The following PYROXD2 variants were observed in gnomAD, a reference collection of about 807,000 sequenced individuals.
PYROXD2 encodes the protein pyridine nucleotide-disulfide oxidoreductase domain-containing protein 2.
Under a neutral mutation model 71.1 loss-of-function variants are expected in PYROXD2, and 69 were observed. That is an observed-to-expected ratio of 0.97 (90% confidence interval 0.80 to 1.19). The LOEUF (loss-of-function observed/expected upper bound fraction) is 1.19. PYROXD2 is among the 50% of genes most tolerant of loss of function. The pLI, the probability that PYROXD2 is intolerant of heterozygous loss-of-function variation, is 0.00. For synonymous variants in PYROXD2, 287 were observed against 302.7 expected, an observed-to-expected ratio of 0.95 and a Z score of 0.54; for missense variants, 745 against 748.9, an observed-to-expected ratio of 0.99 and a Z score of 0.06.
intron 4 of PYROXD2, among the ~76,000 whole-genome samples, chr10:98,406,925 GT>G (rs1409469264): frequency 6.6e-6 from 1 of 150,570 alleles, no homozygotes; most frequent in Non-Finnish European, 1.5e-5. Context: ...TGGCACCAAC[GT>G]GAGTGGCAGC....
chr10:98,397,830 G>A (rs905448232), intron 5 of PYROXD2, among the ~76,000 whole-genome samples: 2 of 151,440 alleles, frequency 1.3e-5, no homozygotes, highest in Non-Finnish European at 2.9e-5. Context: ...TGGTCTCTGC[G>A]ATAAATCATG....
Position 98,384,099 on chromosome 10 carries a change from A to C in PYROXD2, c.1676-231T>G, listed in dbSNP as rs530496964. Among the ~76,000 whole-genome samples, 5 of 151,364 alleles carry C rather than the reference A, an allele frequency of 3.3e-5. No individual in the cohort carries two copies. The South Asian group carries it at 6.3e-4, about 19-fold the overall frequency. On this transcript the variant is annotated intron_variant, in intron 15 of 15. Coordinates refer to ENST00000370575, the MANE Select transcript of PYROXD2 (RefSeq NM_032709.3). ...GCCAGGTCCACAGCCCACAGTCTCAACGGCTGAGGGTGGACGTGCTGGATG... is the reference window on the plus strand; with the variant it reads ...GCCAGGTCCACAGCCCACAGTCTCACCGGCTGAGGGTGGACGTGCTGGATG...
chr10:98,384,397 C>A (rs1842684865), intron 15 of PYROXD2, among the ~76,000 whole-genome samples: 1 of 152,152 alleles, frequency 6.6e-6, no homozygotes, highest in African/African-American at 2.4e-5. Flanking sequence ...TGGAGAGGAT[C>A]ACTTCAGCGC....
At chr10:98,408,100 T>A in intron 2 of PYROXD2, 103 bp from the exon 3 acceptor site, 1 of 1,079,832 alleles carries the variant, frequency 9.3e-7, no homozygotes, top group Non-Finnish European at 1.3e-6. Context: ...TAGGCCAGTA[T>A]GGGCCACACC....
At chr10:98,400,446 G>A (rs1000432222) in intron 4 of PYROXD2, among the ~76,000 whole-genome samples, 189 bp from the exon 5 acceptor site, 4 of 152,040 alleles carry the variant, frequency 2.6e-5, no homozygotes, top group Admixed American at 2.0e-4. Flanking sequence ...TATGGTAGAC[G>A]ATACTGTATC....
At chr10:98,389,240 C>A (rs1422533634) in intron 12 of PYROXD2, among the ~76,000 whole-genome samples, 1 of 151,822 alleles carries the variant, frequency 6.6e-6, no homozygotes, top group Non-Finnish European at 1.5e-5. Flanking sequence ...CACAGTCGCT[C>A]CTTTTTTTGA....
At position 98,387,111 on chromosome 10, in the gene PYROXD2, G is replaced by C; in HGVS notation, c.1554+90C>G. 4 of 957,720 alleles carry C rather than the reference G, an allele frequency of 4.2e-6. No homozygotes were observed. The South Asian group carries it at 4.8e-5, about 12-fold the overall frequency. The allele number at this position is 957,720 out of a possible 1,614,324, so 59.3% of individuals were successfully genotyped here. The stretch of plus-strand genomic sequence containing the variant: ...CCCTTCCTGATGAAAGCTGAGTATG[G>C]AGGGACAAGATAAAGCAGAGAGGTC... On this transcript the variant is annotated intron_variant, in intron 14 of 15. Transcript: ENST00000370575.
chr10:98,384,028 G>T lies in PYROXD2; in HGVS notation c.1676-160C>A, dbSNP rs559433307. 7.0e-4 allele frequency among the ~76,000 whole-genome samples: 107 copies of T among 152,314 alleles called. 1 individual carries two copies. Among genetic ancestry groups the T allele is most frequent in the African/African-American group, 2.5e-3 (103 of 41,560 alleles). ...AATCACCTAAGACAGCCGCTCAATA[G>T]ATTCTGGCTCCCTCCAGGCTTCCTG... On this transcript the variant is annotated intron_variant, in intron 15 of 15. Transcript: ENST00000370575.
In PYROXD2 at chr10:98,390,599, T is replaced by C. The variant is rs1842913726; in HGVS notation, c.1291A>G (p.Arg431Gly). The part of the protein sequence containing the change: ...EDAMDGLPSH[R>G]PVIELCIPSS... ...GAACATAAAGTCCAGGGCCCCTACC[T>C]GTGGGAAGGCAGGCCATCCATGGCA... Residue 431 changes from arginine to glycine, a missense_variant and splice_region_variant, in exon 12 of 16, where the codon AGG becomes GGG. Arg to Gly is a moderately radical substitution (Grantham distance 125). Coordinates refer to ENST00000370575, the MANE Select transcript of PYROXD2 (RefSeq NM_032709.3). 6.3e-7 allele frequency: 1 copy of C among 1,587,890 alleles called. No individual in the cohort carries two copies. Among genetic ancestry groups the C allele is most frequent in the Non-Finnish European group, 8.6e-7 (1 of 1,166,856 alleles).
intron 6 of PYROXD2, 50 bp downstream of exon 6, chr10:98,397,295 A>C: frequency 6.6e-7 from 1 of 1,509,092 alleles, no homozygotes; most frequent in Non-Finnish European, 8.9e-7. Flanking sequence ...CAATGGGCTC[A>C]CCTCCTTGAA....
intron 5 of PYROXD2, 134 bp downstream of exon 5, chr10:98,399,968 G>T: frequency 9.4e-7 from 1 of 1,068,528 alleles, no homozygotes; most frequent in East Asian, 2.7e-5. Context: ...CCACCAACTG[G>T]AGCCCTCCTA....
intron 1 of PYROXD2, among the ~76,000 whole-genome samples, chr10:98,412,676 C>T (rs1564814321): frequency 6.6e-6 from 1 of 152,154 alleles, no homozygotes; most frequent in Non-Finnish European, 1.5e-5. Context: ...CAGAAGATGC[C>T]GTTCTGTTCC....
intron 6 of PYROXD2, among the ~76,000 whole-genome samples, chr10:98,396,638 G>C (rs1157185063): frequency 6.6e-6 from 1 of 152,094 alleles, no homozygotes; most frequent in Non-Finnish European, 1.5e-5. Context: ...TTCCTGTATG[G>C]GGGCAGCTCT....
Position 98,400,130 on chromosome 10 carries a change from A to G in PYROXD2, c.443T>C (p.Ile148Thr), listed in dbSNP as rs778391730. 3.9e-5 allele frequency: 63 copies of G among 1,613,598 alleles called. No individual in the cohort carries two copies. The highest frequency in any genetic ancestry group is 6.8e-6 in the Non-Finnish European group (8 of 1,179,848). Reference sequence around the variant, plus strand: ...GGCATCCTTCTGGGAGAACTGGGCGATCTGCTTCTGGTTTTCTGCCATGTC... The same window carrying G: ...GGCATCCTTCTGGGAGAACTGGGCGGTCTGCTTCTGGTTTTCTGCCATGTC... Reference protein sequence around the residue: ...GTDMAENQKQIAQFSQKDAQV... With the variant: ...GTDMAENQKQTAQFSQKDAQV... Residue 148 changes from isoleucine to threonine, a missense_variant, in exon 5 of 16, where the codon ATC becomes ACC. Physicochemically the swap from Ile to Thr is moderately conservative, Grantham distance 89. Transcript: ENST00000370575.
chr10:98,413,165 A>G (rs1258476438), intron 1 of PYROXD2, among the ~76,000 whole-genome samples: 3 of 152,188 alleles, frequency 2.0e-5, no homozygotes, highest in African/African-American at 7.2e-5. Context: ...CTCCTAAATC[A>G]CATTGAGCAA....
At position 98,384,779 on chromosome 10, in the gene PYROXD2, G is replaced by A. The variant is rs538247725; in HGVS notation, c.1675+168C>T. On this transcript the variant is annotated intron_variant, in intron 15 of 15. Coordinates refer to ENST00000370575, the MANE Select transcript of PYROXD2 (RefSeq NM_032709.3). ...AGCCTGGTGGAGGCAGCGGCTGTGT[G>A]CTCACCTGTGCATGGATAATTCTGA... 8.1e-4 allele frequency among the ~76,000 whole-genome samples: 124 copies of A among 152,336 alleles called. 1 individual carries two copies. The highest frequency in any genetic ancestry group is 1.4e-3 in the Non-Finnish European group (93 of 68,034).
At chr10:98,410,896 C>T (rs762024731) in intron 2 of PYROXD2, 43 bp downstream of exon 2, 46 of 1,556,956 alleles carry the variant, frequency 3.0e-5, no homozygotes, top group South Asian at 9.5e-5. Flanking sequence ...GAGAGCCACA[C>T]GCCCAGGGCC....
At chr10:98,401,883 CTGTT>C (rs1843423927) in intron 4 of PYROXD2, among the ~76,000 whole-genome samples, 1 of 152,054 alleles carries the variant, frequency 6.6e-6, no homozygotes, top group Admixed American at 6.6e-5. Context: ...CTGCCTGAGG[CTGTT>C]TGACAGTGAA....
In PYROXD2 at chr10:98,387,019, G is replaced by A. The variant is rs1051220441; in HGVS notation, c.1554+182C>T. 4.6e-5 allele frequency among the ~76,000 whole-genome samples: 7 copies of A among 152,200 alleles called. No individual in the cohort carries two copies. In the South Asian group the frequency reaches 1.2e-3, roughly 27 times the overall value. ...CCTGTGTTTCTGAGCCCCCACTAGG[G>A]ATCCCCCATTCCCTCGGTTTGACCG... On this transcript the variant is annotated intron_variant, in intron 14 of 15. Transcript: ENST00000370575.
Sources: gnomAD v4.1 joint callset for allele counts (sites outside exome capture counted in the v4.1 genomes callset) on GRCh38, gnomAD v4.1.1 for gene constraint, MANE v1.5 for transcripts, NCBI Gene and HGNC (gene_info 2026-07-23, HGNC 2026-07-21) for gene names.